The following BICD1 variants were observed in gnomAD, a reference collection of about 807,000 sequenced individuals.
BICD1 encodes BICD cargo adaptor 1.
Under a neutral mutation model 92.5 loss-of-function variants are expected in BICD1, and 35 were observed. That is an observed-to-expected ratio of 0.38 (90% CI 0.29 to 0.50). BICD1 has a LOEUF of 0.50. Among genes scored for constraint, BICD1 ranks in the 20% least tolerant of loss-of-function variants. BICD1 has a pLI of 0.93. For missense variants in BICD1, 950 were observed against 1,189.8 expected (o/e 0.80, Z 2.97); for synonymous variants, 429 against 465.1 (o/e 0.92, Z 1.00).
intron 2 of BICD1, among the ~76,000 whole-genome samples, chr12:32,245,898 C>G (rs938071010): frequency 6.6e-6 from 1 of 151,238 alleles, no homozygotes; most frequent in Non-Finnish European, 1.5e-5. Flanking sequence ...GGTGTGGTGG[C>G]GCACACCTGT....
intron 2 of BICD1, among the ~76,000 whole-genome samples, chr12:32,260,155 C>A (rs1946820196): frequency 6.6e-6 from 1 of 152,072 alleles, no homozygotes. Flanking sequence ...GAACTCCCCA[C>A]CTCAGATGAT....
intron 8 of BICD1, among the ~76,000 whole-genome samples, chr12:32,342,963 G>A (rs187648823): frequency 6.6e-6 from 1 of 152,198 alleles, no homozygotes; most frequent in Non-Finnish European, 1.5e-5. Context: ...AACCTTTTAA[G>A]GGAAAATTCT....
intron 2 of BICD1, among the ~76,000 whole-genome samples, chr12:32,238,697 C>G (rs1311142151): frequency 6.6e-6 from 1 of 152,120 alleles, no homozygotes; most frequent in Non-Finnish European, 1.5e-5. Flanking sequence ...GTAATCCCAG[C>G]ACTTTGGGAG....
intron 1 of BICD1, among the ~76,000 whole-genome samples, chr12:32,116,099 G>T (rs964763834): frequency 3.3e-5 from 5 of 152,138 alleles, no homozygotes; most frequent in African/African-American, 9.7e-5. Flanking sequence ...AGTGGAAATT[G>T]ATACCTTTTC....
intron 8 of BICD1, among the ~76,000 whole-genome samples, chr12:32,344,491 A>T (rs1467506926): frequency 6.6e-6 from 1 of 152,198 alleles, no homozygotes; most frequent in East Asian, 1.9e-4. Context: ...TGGAGAGTGG[A>T]TTAGATGTGG....
chr12:32,133,882 C>A (rs570367710), intron 1 of BICD1, among the ~76,000 whole-genome samples: 12 of 151,302 alleles, frequency 7.9e-5, no homozygotes, highest in African/African-American at 2.9e-4. Flanking sequence ...CCCGGGTTCA[C>A]GCCATTCTTC....
chr12:32,274,544 TA>T (rs1947228624), intron 2 of BICD1, among the ~76,000 whole-genome samples: 2 of 152,166 alleles, frequency 1.3e-5, no homozygotes, highest in Admixed American at 1.3e-4. Flanking sequence ...TTGAAAATAA[TA>T]AAGCAATATA....
intron 1 of BICD1, among the ~76,000 whole-genome samples, chr12:32,148,493 G>A (rs1420760729): frequency 6.6e-6 from 1 of 152,154 alleles, no homozygotes; most frequent in Non-Finnish European, 1.5e-5. Context: ...GTCTCCTGTG[G>A]GTTTAATTCA....
intron 2 of BICD1, among the ~76,000 whole-genome samples, chr12:32,285,191 A>G (rs1436441442): frequency 1.3e-5 from 2 of 152,216 alleles, no homozygotes; most frequent in Admixed American, 1.3e-4. Context: ...CTTCCTTTAT[A>G]AAGTGTTCCC....
At chr12:32,126,641 C>T (rs1180168670) in intron 1 of BICD1, among the ~76,000 whole-genome samples, 1 of 151,924 alleles carries the variant, frequency 6.6e-6, no homozygotes, top group African/African-American at 2.4e-5. Context: ...CCTGTAATCC[C>T]AGCTACTTGG....
chr12:32,329,635 A>C (rs1055384712), intron 5 of BICD1, among the ~76,000 whole-genome samples: 1 of 152,194 alleles, frequency 6.6e-6, no homozygotes, highest in Non-Finnish European at 1.5e-5. Flanking sequence ...TACCTGTGCT[A>C]CTGACCACGT....
intron 1 of BICD1, among the ~76,000 whole-genome samples, chr12:32,116,502 C>CTATATATATATA (rs1433983078): frequency 2.2e-4 from 17 of 77,536 alleles, no homozygotes; most frequent in East Asian, 3.8e-4. Context: ...TTCTCTCTCT[C>CTATATATATATA]TCTCTCTCTA....
intron 1 of BICD1, among the ~76,000 whole-genome samples, chr12:32,151,689 A>G (rs1405698133): frequency 6.6e-6 from 1 of 152,196 alleles, no homozygotes. Context: ...GCCAGTGGTG[A>G]TAACAGGGAC....
At chr12:32,202,179 G>A (rs539852105) in intron 1 of BICD1, among the ~76,000 whole-genome samples, 1 of 152,330 alleles carries the variant, frequency 6.6e-6, no homozygotes, top group Admixed American at 6.5e-5. Flanking sequence ...AGCATGGACA[G>A]CTGCCAGCCT....
At chr12:32,187,176 G>A (rs548744493) in intron 1 of BICD1, among the ~76,000 whole-genome samples, 1 of 152,238 alleles carries the variant, frequency 6.6e-6, no homozygotes, top group Admixed American at 6.5e-5. Flanking sequence ...TTTGTTCCAC[G>A]AAATTCGTGC....
chr12:32,226,814 A>T (rs374692224), intron 2 of BICD1, among the ~76,000 whole-genome samples: 22 of 152,380 alleles, frequency 1.4e-4, no homozygotes, highest in Admixed American at 3.9e-4. Flanking sequence ...AGGTAAGTAC[A>T]GGGGCTTCCT....
intron 1 of BICD1, among the ~76,000 whole-genome samples, chr12:32,129,258 C>T (rs1336073992): frequency 1.3e-5 from 2 of 151,068 alleles, no homozygotes; most frequent in East Asian, 2.0e-4. Flanking sequence ...GGCATGGTGG[C>T]TTATGCCTGT....
In BICD1 at chr12:32,382,029, T is replaced by C. The variant is rs1940196832; in HGVS notation, c.*4402T>C. 6.6e-6 allele frequency: 1 copy of C among 152,136 alleles called. No individual in the cohort carries two copies. Among genetic ancestry groups the C allele is most frequent in the South Asian group, 2.1e-4 (1 of 4,836 alleles). The allele number at this position is 152,136 out of a possible 1,614,324, so 9.4% of individuals were successfully genotyped here. A position where few individuals can be genotyped will look rare whatever the true frequency, so the allele number is the denominator to read the frequency against. ...TTTTTTACCTTAAAATCAACTTCTA[T>C]GGAACTACAAGATCAATCTAGCTCC... On this transcript the variant is annotated 3_prime_UTR_variant, in exon 10 of 10. Coordinates refer to ENST00000652176, the MANE Select transcript of BICD1 (RefSeq NM_001714.4).
At chr12:32,343,328 G>A (rs374879361) in intron 8 of BICD1, among the ~76,000 whole-genome samples, 9 of 151,144 alleles carry the variant, frequency 6.0e-5, no homozygotes, top group Admixed American at 2.0e-4. Flanking sequence ...CTCCTCCTCC[G>A]TCCCCTCTTC....
Sources: allele counts gnomAD v4.1 joint callset (sites outside exome capture counted in the v4.1 genomes callset), GRCh38; gene constraint gnomAD v4.1.1; transcripts MANE v1.5; gene names NCBI Gene and HGNC (gene_info 2026-07-23, HGNC 2026-07-21).